FGGY: variants seen among roughly 807,000 people sequenced by gnomAD.
FGGY encodes FGGY carbohydrate kinase domain-containing protein.
Under a neutral mutation model 71.3 loss-of-function variants are expected in FGGY, and 72 were observed. The observed-to-expected ratio is 1.01, with a 90% CI of 0.84 to 1.23. FGGY has a LOEUF of 1.23. Ranked by LOEUF, FGGY falls within the 50% of genes most tolerant of loss-of-function variation. The pLI is 0.00. For missense variants in FGGY, 668 were observed against 682.3 expected (o/e 0.98, Z 0.23); for synonymous variants, 251 against 250.3 (o/e 1.00, Z -0.02).
intron 6 of FGGY, among the ~76,000 whole-genome samples, chr1:59,472,277 C>G (rs1322727341): frequency 6.6e-6 from 1 of 152,248 alleles, no homozygotes; most frequent in African/African-American, 2.4e-5. Flanking sequence ...CCTGGGCCAG[C>G]AGCTGCTGTG....
chr1:59,736,395 A>T (rs981187134), intron 14 of FGGY, among the ~76,000 whole-genome samples: 5 of 152,178 alleles, frequency 3.3e-5, no homozygotes, highest in African/African-American at 9.7e-5. Context: ...AGGGCTCAGA[A>T]GATAGGAAAA....
intron 6 of FGGY, among the ~76,000 whole-genome samples, chr1:59,512,065 T>C (rs1200858303): frequency 1.3e-5 from 2 of 152,214 alleles, no homozygotes; most frequent in Non-Finnish European, 1.5e-5. Context: ...TCAGAATCTT[T>C]ATCTGGTTTG....
intron 6 of FGGY, among the ~76,000 whole-genome samples, chr1:59,504,503 A>G (rs576792877): frequency 5.9e-5 from 9 of 152,312 alleles, no homozygotes; most frequent in Non-Finnish European, 8.8e-5. Context: ...ACTAAATGAC[A>G]TCCAGCTGGC....
intron 9 of FGGY, among the ~76,000 whole-genome samples, chr1:59,611,389 G>T (rs1231530964): frequency 6.6e-6 from 1 of 152,222 alleles, no homozygotes; most frequent in African/African-American, 2.4e-5. Flanking sequence ...TGATACTCAG[G>T]GTCTAGAGTG....
At chr1:59,473,156 C>T (rs571457327) in intron 6 of FGGY, among the ~76,000 whole-genome samples, 3 of 152,306 alleles carry the variant, frequency 2.0e-5, no homozygotes, top group African/African-American at 7.2e-5. Flanking sequence ...GCTGCTCACT[C>T]TTTGGGTCCA....
intron 7 of FGGY, among the ~76,000 whole-genome samples, chr1:59,530,449 C>G (rs2095110903): frequency 6.6e-6 from 1 of 152,064 alleles, no homozygotes; most frequent in African/African-American, 2.4e-5. Flanking sequence ...TCAAAGAGCT[C>G]CCATTCTGAT....
intron 6 of FGGY, among the ~76,000 whole-genome samples, chr1:59,482,875 GC>G (rs1247504811): frequency 6.6e-6 from 1 of 151,852 alleles, no homozygotes; most frequent in Non-Finnish European, 1.5e-5. Context: ...TCCTTTTTGG[GC>G]CCCATTTTCT....
At chr1:59,338,102 G>A (rs2049967741) in intron 2 of FGGY, among the ~76,000 whole-genome samples, 1 of 152,054 alleles carries the variant, frequency 6.6e-6, no homozygotes, top group Admixed American at 6.6e-5. Flanking sequence ...TGATCATTTG[G>A]TGTTTGTACT....
At chr1:59,368,528 C>T (rs972680583) in intron 4 of FGGY, among the ~76,000 whole-genome samples, 1 of 152,204 alleles carries the variant, frequency 6.6e-6, no homozygotes, top group African/African-American at 2.4e-5. Context: ...GCCTCTGCAT[C>T]ACTCTGTAGA....
intron 1 of FGGY, among the ~76,000 whole-genome samples, chr1:59,306,079 T>C (rs2043395230): frequency 6.6e-6 from 1 of 152,182 alleles, no homozygotes; most frequent in Non-Finnish European, 1.5e-5. Context: ...CCCATCTCTG[T>C]GTGATTACTC....
chr1:59,420,949 A>G (rs1457727262), intron 5 of FGGY, among the ~76,000 whole-genome samples: 2 of 152,100 alleles, frequency 1.3e-5, no homozygotes, highest in Non-Finnish European at 2.9e-5. Context: ...TGTTTCTGAT[A>G]ATGCTTTACA....
At chr1:59,761,390 T>A (rs368263616) in intron 15 of FGGY, among the ~76,000 whole-genome samples, 85 of 152,308 alleles carry the variant, frequency 5.6e-4, no homozygotes, top group African/African-American at 1.8e-3. Flanking sequence ...CCAAGGTTAC[T>A]CTTACAACCT....
chr1:59,589,863 T>A (rs2096393622), intron 8 of FGGY, among the ~76,000 whole-genome samples: 1 of 151,708 alleles, frequency 6.6e-6, no homozygotes, highest in Admixed American at 6.6e-5. Context: ...CACTCTAACA[T>A]CACAATTAAA....
chr1:59,557,527 C>T (rs1412610152), intron 8 of FGGY, among the ~76,000 whole-genome samples: 1 of 152,200 alleles, frequency 6.6e-6, no homozygotes, highest in Non-Finnish European at 1.5e-5. Flanking sequence ...GAACATAAGA[C>T]ATGTTAATAA....
At chr1:59,422,372 T>C (rs535534131) in intron 5 of FGGY, among the ~76,000 whole-genome samples, 1 of 152,280 alleles carries the variant, frequency 6.6e-6, no homozygotes, top group African/African-American at 2.4e-5. Context: ...TCAAGTTTTT[T>C]GTTGGTGTTA....
chr1:59,667,160 C>A, intron 12 of FGGY, 123 bp from the exon 13 acceptor site: 2 of 1,206,012 alleles, frequency 1.7e-6, no homozygotes, highest in Non-Finnish European at 2.4e-6. Flanking sequence ...TGAGTCTCAG[C>A]TTTCTGAGAT....
chr1:59,690,523 T>G (rs2097579890), intron 14 of FGGY, among the ~76,000 whole-genome samples: 1 of 152,200 alleles, frequency 6.6e-6, no homozygotes, highest in Non-Finnish European at 1.5e-5. Context: ...GAGGCCCACC[T>G]CTACACGGCC....
intron 11 of FGGY, among the ~76,000 whole-genome samples, chr1:59,652,949 G>T (rs971198603): frequency 1.3e-5 from 2 of 152,074 alleles, no homozygotes; most frequent in African/African-American, 4.8e-5. Flanking sequence ...TGTCCTTTCT[G>T]TTTGTTAGTT....
intron 9 of FGGY, among the ~76,000 whole-genome samples, chr1:59,621,309 T>A (rs1358619037): frequency 1.3e-5 from 2 of 152,014 alleles, no homozygotes; most frequent in Non-Finnish European, 2.9e-5. Context: ...GATACATAAA[T>A]GTTTTAAAGA....
Sources: gnomAD v4.1 joint callset for allele counts (sites outside exome capture counted in the v4.1 genomes callset) on GRCh38, gnomAD v4.1.1 for gene constraint, MANE v1.5 for transcripts, NCBI Gene and HGNC (gene_info 2026-07-23, HGNC 2026-07-21) for gene names.